The following PPFIBP1 variants were observed in gnomAD, a reference collection of about 807,000 sequenced individuals.
PPFIBP1 encodes liprin-beta-1.
A neutral mutation model predicts 137.8 loss-of-function variants in PPFIBP1; 112 were observed. The ratio of observed to expected loss-of-function variants is 0.81; its 90% CI spans 0.70 to 0.95. The LOEUF is 0.95. PPFIBP1 is among the 40% of genes least tolerant of loss of function. PPFIBP1 has a pLI of 0.00. For synonymous variants in PPFIBP1, 378 were observed against 417.3 expected (o/e 0.91, Z 1.15); for missense variants, 1,083 against 1,196.6 (o/e 0.91, Z 1.40).
chr12:27,627,769 C>G (rs1485757873), intron 2 of PPFIBP1, among the ~76,000 whole-genome samples: 1 of 151,782 alleles, frequency 6.6e-6, no homozygotes, highest in East Asian at 1.9e-4. Context: ...CTAAATGGGT[C>G]CTGACCAAAC....
intron 2 of PPFIBP1, chr12:27,593,580 A>T: frequency 2.6e-6 from 1 of 388,146 alleles, no homozygotes; most frequent in Non-Finnish European, 4.9e-6. Flanking sequence ...TTCAGGAAAC[A>T]CAGCATCATC....
Position 27,656,666 on chromosome 12 carries a change from A to T in PPFIBP1, c.747A>T (p.Val249=). 6.2e-7 allele frequency: 1 copy of T among 1,612,908 alleles called. No homozygotes were observed. Among genetic ancestry groups the T allele is most frequent in the Non-Finnish European group, 8.5e-7 (1 of 1,179,052 alleles). ...AACTAGAAGAAAAGGAATCTGAAGT[A>T]AAAAGGCTACAAGAAAAATTGGTTT... ...KEQLEEKESE[V]KRLQEKLVCK... The change falls in exon 9 of 30, where the codon GTA becomes GTT. Residue 249 remains valine (V), a synonymous_variant. Coordinates refer to ENST00000228425, the MANE Select transcript of PPFIBP1 (RefSeq NM_003622.4).
At chr12:27,573,905 C>T (rs2050341974) in intron 1 of PPFIBP1, among the ~76,000 whole-genome samples, 1 of 151,832 alleles carries the variant, frequency 6.6e-6, no homozygotes, top group Non-Finnish European at 1.5e-5. Flanking sequence ...TTGCTGGAGC[C>T]CAGGCTTTCG....
chr12:27,629,059 G>T (rs957256851), intron 2 of PPFIBP1, among the ~76,000 whole-genome samples: 5 of 152,156 alleles, frequency 3.3e-5, no homozygotes, highest in African/African-American at 1.2e-4. Flanking sequence ...AGGGCTCCCT[G>T]AAATCTTGGA....
At chr12:27,601,213 A>G (rs1482773245) in intron 2 of PPFIBP1, among the ~76,000 whole-genome samples, 1 of 152,234 alleles carries the variant, frequency 6.6e-6, no homozygotes, top group Non-Finnish European at 1.5e-5. Flanking sequence ...GCTTCAAGTG[A>G]TGCTCCTCAG....
At chr12:27,545,527 T>G (rs1304632553) in intron 1 of PPFIBP1, among the ~76,000 whole-genome samples, 1 of 152,090 alleles carries the variant, frequency 6.6e-6, no homozygotes, top group African/African-American at 2.4e-5. Context: ...CACCAGGGAT[T>G]TCTTGTTGCT....
intron 11 of PPFIBP1, among the ~76,000 whole-genome samples, chr12:27,664,007 G>C (rs1445368171): frequency 6.6e-6 from 1 of 152,106 alleles, no homozygotes; most frequent in Non-Finnish European, 1.5e-5. Context: ...AGAGAGGAGA[G>C]TTATTGAAGC....
At chr12:27,664,557 G>A (rs916327670) in intron 12 of PPFIBP1, 111 bp downstream of exon 12, 5 of 725,502 alleles carry the variant, frequency 6.9e-6, no homozygotes, top group African/African-American at 1.8e-5. Context: ...CCCAAATTAG[G>A]TAGCTAATTC....
chr12:27,666,339 A>G (rs2059853573), intron 12 of PPFIBP1, among the ~76,000 whole-genome samples: 1 of 152,192 alleles, frequency 6.6e-6, no homozygotes, highest in Non-Finnish European at 1.5e-5. Context: ...TATTTAGTTA[A>G]TCCTCATACA....
chr12:27,663,353 C>A (rs921175055), intron 11 of PPFIBP1, among the ~76,000 whole-genome samples: 1 of 152,146 alleles, frequency 6.6e-6, no homozygotes, highest in African/African-American at 2.4e-5. Flanking sequence ...ATGGGAAAAG[C>A]AAAGAGGGTC....
At chr12:27,588,262 G>A (rs1399395588) in intron 2 of PPFIBP1, among the ~76,000 whole-genome samples, 1 of 152,218 alleles carries the variant, frequency 6.6e-6, no homozygotes, top group Non-Finnish European at 1.5e-5. Context: ...GAATGCACCT[G>A]TGGGGTAATC....
intron 6 of PPFIBP1, among the ~76,000 whole-genome samples, chr12:27,648,748 G>A (rs2058697322): frequency 6.6e-6 from 1 of 152,158 alleles, no homozygotes; most frequent in Non-Finnish European, 1.5e-5. Context: ...GCCAAGCCCA[G>A]AAAAACAAAC....
chr12:27,586,289 T>G (rs2051741249), intron 2 of PPFIBP1, among the ~76,000 whole-genome samples: 1 of 151,984 alleles, frequency 6.6e-6, no homozygotes, highest in African/African-American at 2.4e-5. Flanking sequence ...ATTCGGAGAG[T>G]CTTTGAACTT....
chr12:27,656,915 C>G, intron 9 of PPFIBP1, 185 bp downstream of exon 9: 1 of 499,076 alleles, frequency 2.0e-6, no homozygotes, highest in Non-Finnish European at 3.7e-6. Flanking sequence ...CATTAATTTC[C>G]TCTTCAGCAG....
chr12:27,674,294 A>G (rs958724878), intron 17 of PPFIBP1, 73 bp downstream of exon 17: 1 of 1,175,032 alleles, frequency 8.5e-7, no homozygotes, highest in Non-Finnish European at 1.2e-6. Flanking sequence ...AAATGTCTCC[A>G]GTAGATAAAA....
rs199881715 is a variant in PPFIBP1 at position 27,647,861 on chromosome 12, A to T, written c.471+19A>T. The stretch of plus-strand genomic sequence containing the variant: ...GCAGCAGGTATGTGCAGAGGCCAGA[A>T]CCAAGATGGGATTTCCCTGCTGAAC... On this transcript the variant is annotated intron_variant, in intron 6 of 29. Transcript: ENST00000228425. 1.4e-3 allele frequency: 2,163 copies of T among 1,598,116 alleles called. 9 individuals are homozygous for T. The highest frequency in any genetic ancestry group is 2.0e-3 in the Middle Eastern group (12 of 6,006).
intron 2 of PPFIBP1, among the ~76,000 whole-genome samples, chr12:27,623,049 C>T (rs2056478341): frequency 6.6e-6 from 1 of 152,142 alleles, no homozygotes; most frequent in Non-Finnish European, 1.5e-5. Context: ...TATGGGTATA[C>T]ATATCCCAGA....
At chr12:27,617,847 A>G (rs1003847645) in intron 2 of PPFIBP1, among the ~76,000 whole-genome samples, 10 of 152,232 alleles carry the variant, frequency 6.6e-5, no homozygotes, top group Admixed American at 2.0e-4. Context: ...CACTAGTCCT[A>G]TGAGACATAG....
intron 7 of PPFIBP1, among the ~76,000 whole-genome samples, chr12:27,652,370 T>C (rs2058927300): frequency 6.6e-6 from 1 of 152,160 alleles, no homozygotes; most frequent in South Asian, 2.1e-4. Context: ...GGTAAGAGCA[T>C]ACATGTCAGA....
Sources: gnomAD v4.1 joint callset for allele counts (sites outside exome capture counted in the v4.1 genomes callset) on GRCh38, gnomAD v4.1.1 for gene constraint, MANE v1.5 for transcripts, NCBI Gene and HGNC (gene_info 2026-07-23, HGNC 2026-07-21) for gene names.